The following SLC44A1 variants were observed in gnomAD, a reference collection of about 807,000 sequenced individuals.
The protein encoded by SLC44A1 is choline transporter-like protein 1.
Under a neutral mutation model 79.3 loss-of-function variants are expected in SLC44A1, and 26 were observed. That is an observed-to-expected ratio of 0.33 (90% CI 0.24 to 0.46). The LOEUF (loss-of-function observed/expected upper bound fraction) is 0.46. Among genes scored for constraint, SLC44A1 ranks in the 20% least tolerant of loss-of-function variants. The pLI, the probability that SLC44A1 is intolerant of heterozygous loss-of-function variation, is 1.00. For missense variants in SLC44A1, 688 were observed against 798.1 expected (o/e 0.86, Z 1.66); for synonymous variants, 263 against 286.2 (o/e 0.92, Z 0.82).
Position 105,390,340 on chromosome 9 carries a change from A to G in SLC44A1, c.*1284A>G, listed in dbSNP as rs975176353. On this transcript the variant is annotated 3_prime_UTR_variant, in exon 16 of 16. Coordinates refer to ENST00000374720, the MANE Select transcript of SLC44A1 (RefSeq NM_080546.5). Reference sequence around the variant, plus strand: ...TATGCGATAACTCCTTTTTGTTACAATTTTTTTAAAAAAAGCTATTTTTGT... The same window carrying G: ...TATGCGATAACTCCTTTTTGTTACAGTTTTTTTAAAAAAAGCTATTTTTGT... The G allele has an allele frequency of 1.0e-6, 1 of 964,164 alleles. No homozygotes were observed. The highest frequency in any genetic ancestry group is 1.2e-6 in the Non-Finnish European group (1 of 821,954). 59.7% of individuals were successfully genotyped at this position (964,164 alleles called of 1,614,324 possible).
intron 4 of SLC44A1, among the ~76,000 whole-genome samples, chr9:105,344,845 T>C (rs887871200): frequency 1.4e-4 from 22 of 152,048 alleles, no homozygotes; most frequent in Non-Finnish European, 1.0e-4. Flanking sequence ...AGTAAATAGC[T>C]TTGTTGGGTT....
rs1828863706 is a variant in SLC44A1 at position 105,395,771 on chromosome 9, A to G, written c.*6715A>G. 2.0e-6 allele frequency: 2 copies of G among 985,354 alleles called. No individual in the cohort carries two copies. Among genetic ancestry groups the G allele is most frequent in the Non-Finnish European group, 2.4e-6 (2 of 829,832 alleles). The allele number at this position is 985,354 out of a possible 1,614,324, so 61.0% of individuals were successfully genotyped here. ...TGTGTTAAATCATATGAGTAAAAAA[A>G]AAGTAGACATTGAAAAGAAGACTTG... On this transcript the variant is annotated 3_prime_UTR_variant, in exon 16 of 16. Transcript: ENST00000374720.
chr9:105,335,350 GA>G (rs1826878840), intron 3 of SLC44A1, among the ~76,000 whole-genome samples: 2 of 152,008 alleles, frequency 1.3e-5, no homozygotes, highest in Non-Finnish European at 2.9e-5. Context: ...TTAAATATTA[GA>G]AAAATAGATC....
intron 3 of SLC44A1, among the ~76,000 whole-genome samples, chr9:105,318,405 T>C (rs1826270454): frequency 6.6e-6 from 1 of 152,164 alleles, no homozygotes; most frequent in Non-Finnish European, 1.5e-5. Context: ...AGTCTTGAAC[T>C]CCTGACCTCA....
chr9:105,266,089 C>G (rs1380152142), intron 1 of SLC44A1, among the ~76,000 whole-genome samples: 2 of 152,088 alleles, frequency 1.3e-5, no homozygotes, highest in East Asian at 3.8e-4. Context: ...TCTCAAGTAG[C>G]TAGGCCTATA....
At chr9:105,268,169 A>C (rs1422070657) in intron 1 of SLC44A1, among the ~76,000 whole-genome samples, 1 of 152,180 alleles carries the variant, frequency 6.6e-6, no homozygotes, top group Admixed American at 6.5e-5. Flanking sequence ...GAATGCTCTC[A>C]TGCAACCCAA....
intron 15 of SLC44A1, chr9:105,386,357 T>A: frequency 1.1e-6 from 1 of 947,512 alleles, no homozygotes; most frequent in African/African-American, 1.8e-5. Context: ...TCAAATATTA[T>A]ATAATTGTCT....
chr9:105,293,629 G>A (rs1407369358), intron 1 of SLC44A1, among the ~76,000 whole-genome samples: 3 of 152,102 alleles, frequency 2.0e-5, no homozygotes, highest in African/African-American at 7.2e-5. Context: ...GGCCCACCCT[G>A]CCTGCCATAT....
chr9:105,406,298 A>G (rs1043885923), intron 15 of SLC44A1, among the ~76,000 whole-genome samples: 3 of 152,186 alleles, frequency 2.0e-5, no homozygotes, highest in Non-Finnish European at 2.9e-5. Context: ...ATAACCCACA[A>G]TAAGCCAGCA....
At chr9:105,338,253 A>T (rs778508044) in intron 4 of SLC44A1, among the ~76,000 whole-genome samples, 2 of 152,186 alleles carry the variant, frequency 1.3e-5, no homozygotes, top group Non-Finnish European at 2.9e-5. Flanking sequence ...GAAATTTCTG[A>T]ATTTCTCAAA....
chr9:105,314,043 C>T (rs573516363), intron 3 of SLC44A1, among the ~76,000 whole-genome samples: 6 of 152,234 alleles, frequency 3.9e-5, no homozygotes, highest in East Asian at 3.9e-4. Flanking sequence ...GGATTACAGG[C>T]GTGCACGACT....
rs1828874303 is a variant in SLC44A1, at chr9:105,396,335, A to G, written c.*7279A>G. The G allele has an allele frequency of 4.1e-6, 4 of 985,300 alleles. No homozygotes were observed. Among genetic ancestry groups the G allele is most frequent in the Admixed American group, 6.2e-5 (1 of 16,260 alleles). 61.0% of individuals were successfully genotyped at this position (985,300 alleles called of 1,614,324 possible). ...TTTATTACAGGAGAAAAAAACTTTA[A>G]CAAAAAGGCAGGGAGAAAAGTGTGA... On this transcript the variant is annotated 3_prime_UTR_variant, in exon 16 of 16. Transcript: ENST00000374720.
chr9:105,395,712 T>G lies in SLC44A1; in HGVS notation c.*6656T>G. The G allele has an allele frequency of 1.0e-6, 1 of 985,262 alleles. No individual in the cohort carries two copies. The highest frequency in any genetic ancestry group is 1.2e-6 in the Non-Finnish European group (1 of 829,798). 61.0% of individuals were successfully genotyped at this position (985,262 alleles called of 1,614,324 possible). A position where few individuals can be genotyped will look rare whatever the true frequency, so the allele number is the denominator to read the frequency against. ...AATCTGATCCACCCATCCTGTCAGC[T>G]AGGATTATAATTTGAACTGTCGTTT... On this transcript the variant is annotated 3_prime_UTR_variant, in exon 16 of 16. Transcript: ENST00000374720.
Position 105,389,869 on chromosome 9 carries a change from G to C in SLC44A1, c.*813G>C. On this transcript the variant is annotated 3_prime_UTR_variant, in exon 16 of 16. Transcript: ENST00000374720. The stretch of plus-strand genomic sequence containing the variant: ...GAAAGGAAGCTGGGGCACCCAGCGA[G>C]TTTAGCCTTTAAGTTTCTGTGTATT... 6.7e-7 allele frequency: 1 copy of C among 1,498,490 alleles called. No homozygotes were observed. The highest frequency in any genetic ancestry group is 8.9e-7 in the Non-Finnish European group (1 of 1,123,888). 92.8% of individuals were successfully genotyped at this position (1,498,490 alleles called of 1,614,324 possible). A position where few individuals can be genotyped will look rare whatever the true frequency, so the allele number is the denominator to read the frequency against.
chr9:105,269,713 T>C (rs947085566), intron 1 of SLC44A1, among the ~76,000 whole-genome samples: 1 of 152,200 alleles, frequency 6.6e-6, no homozygotes, highest in Non-Finnish European at 1.5e-5. Flanking sequence ...CATGTTCCTC[T>C]CTGTGTTGTA....
At chr9:105,251,645 T>C (rs906399279) in intron 1 of SLC44A1, among the ~76,000 whole-genome samples, 1 of 152,204 alleles carries the variant, frequency 6.6e-6, no homozygotes. Flanking sequence ...TCTTTGCTCA[T>C]TGCACTGCAG....
chr9:105,272,699 T>C (rs1375060962), intron 1 of SLC44A1, among the ~76,000 whole-genome samples: 1 of 152,150 alleles, frequency 6.6e-6, no homozygotes, highest in Non-Finnish European at 1.5e-5. Flanking sequence ...TTTTCTTTCC[T>C]CTATTTTTTA....
At chr9:105,261,991 A>T (rs448836) in intron 1 of SLC44A1, among the ~76,000 whole-genome samples, 2 of 151,462 alleles carry the variant, frequency 1.3e-5, no homozygotes, top group Non-Finnish European at 2.9e-5. Context: ...CACCATGTTG[A>T]TCGGGTGGTC....
rs1437016919 is a variant in SLC44A1, at chr9:105,366,365, G to C, written c.1430G>C (p.Cys477Ser). 2.0e-6 allele frequency: 3 copies of C among 1,512,818 alleles called. No individual in the cohort carries two copies. In the East Asian group the frequency reaches 7.6e-5, roughly 39 times the overall value. 93.7% of individuals were successfully genotyped at this position (1,512,818 alleles called of 1,614,324 possible). The stretch of plus-strand genomic sequence containing the variant: ...ATCCAGGAAAATGCTTGTGCACGAT[G>C]TGTGCTGAAATCTTGCATTTGTTGC... ...LKGKENACAR[C>S]VLKSCICCLW... is the part of the protein sequence containing the mutation. Residue 477 changes from cysteine to serine, a missense_variant, in exon 12 of 16, where the codon TGT becomes TCT. Coordinates refer to ENST00000374720, the MANE Select transcript of SLC44A1 (RefSeq NM_080546.5).
Sources: allele counts gnomAD v4.1 joint callset (sites outside exome capture counted in the v4.1 genomes callset), GRCh38; gene constraint gnomAD v4.1.1; transcripts MANE v1.5; gene names NCBI Gene and HGNC (gene_info 2026-07-23, HGNC 2026-07-21).